Variants in PCNX3 observed in about 807,000 individuals in gnomAD.
PCNX3 encodes pecanex-like protein 3.
PCNX3 carries 58 observed loss-of-function variants against 207.2 expected under a neutral mutation model. The observed-to-expected ratio is 0.28, with a 90% CI of 0.23 to 0.35. The LOEUF is 0.35. PCNX3 is among the 10% of genes least tolerant of loss of function. The probability of loss-of-function intolerance (pLI) is 1.00; values close to 1 mark genes in which losing one functional copy is unlikely to be tolerated. For synonymous variants in PCNX3, 1,337 were observed against 1,183.5 expected (o/e 1.13, Z -2.66); for missense variants, 2,410 against 2,774.4 (o/e 0.87, Z 2.95).
At chr11:65,634,868 A>G in intron 29 of PCNX3, 105 bp from the exon 30 acceptor site, 1 of 1,432,650 alleles carries the variant, frequency 7.0e-7, no homozygotes, top group African/African-American at 1.4e-5. Flanking sequence ...AGATGGGGAA[A>G]CTGAGGCTCA....
chr11:65,617,195 G>A, intron 2 of PCNX3, 55 bp from the exon 3 acceptor site: 1 of 1,493,682 alleles, frequency 6.7e-7, no homozygotes, highest in South Asian at 1.2e-5. Context: ...ATGGGAGGAA[G>A]TAGCATACAC....
chr11:65,627,265 C>T (rs560684128), intron 21 of PCNX3, 140 bp from the exon 22 acceptor site: 143 of 1,166,880 alleles, frequency 1.2e-4, no homozygotes, highest in Admixed American at 1.7e-4. Context: ...CTAAGAGTCA[C>T]GGGCCCAAAA....
In PCNX3 at chr11:65,635,346, C is replaced by T. The variant is rs1855786707; in HGVS notation, c.5082C>T (p.Asn1694=). The T allele has an allele frequency of 6.2e-7, 1 of 1,610,432 alleles. No homozygotes were observed. The highest frequency in any genetic ancestry group is 8.5e-7 in the Non-Finnish European group (1 of 1,178,896). ...DPAWRSAILS[N]TPSLLALRHV... ...CATGGCGCAGCGCCATCCTCAGCAA[C>T]ACGCCCTCCCTGCTGGCGCTGCGCC... is the stretch of plus-strand genomic sequence containing the variant. The change falls in exon 31 of 35, where the codon AAC becomes AAT. Residue 1694 remains asparagine (N), a synonymous_variant. Coordinates refer to ENST00000355703, the MANE Select transcript of PCNX3 (RefSeq NM_032223.4). This position sits in a 1 kb window ranked among gnomAD's most constrained non-coding sequence, Gnocchi z 9.9.
At position 65,622,226 on chromosome 11, in the gene PCNX3, C is replaced by G; in HGVS notation, c.2236-19C>G. 3 of 1,597,350 alleles carry G rather than the reference C, an allele frequency of 1.9e-6. No homozygotes were observed. Among genetic ancestry groups the G allele is most frequent in the Non-Finnish European group, 1.7e-6 (2 of 1,172,840 alleles). ...TGCAGTTTGACCTGCTGGACCAGGA[C>G]TCCCTGCACGAATCCCAGGAGCAGA... On this transcript the variant is annotated intron_variant, in intron 10 of 34. Coordinates refer to ENST00000355703, the MANE Select transcript of PCNX3 (RefSeq NM_032223.4).
chr11:65,627,921 G>A (rs1855470375), intron 22 of PCNX3, among the ~76,000 whole-genome samples: 1 of 152,150 alleles, frequency 6.6e-6, no homozygotes, highest in Non-Finnish European at 1.5e-5. Context: ...TGAGTTCCAC[G>A]CTCTTTTGCC....
Position 65,635,502 on chromosome 11 carries a change from C to T in PCNX3, c.5185-27C>T. On this transcript the variant is annotated intron_variant, in intron 31 of 34. Coordinates refer to ENST00000355703, the MANE Select transcript of PCNX3 (RefSeq NM_032223.4). The surrounding 1 kb of genome is among the most constrained non-coding windows in gnomAD (Gnocchi z 9.9). ...CTGCCCCAAACCCCCTTGGGCCGGCCCCCTGACCCTGGCGTGTGGCTCTCA... is the reference window on the plus strand; with the variant it reads ...CTGCCCCAAACCCCCTTGGGCCGGCTCCCTGACCCTGGCGTGTGGCTCTCA... 1.2e-6 allele frequency: 2 copies of T among 1,607,876 alleles called. No individual in the cohort carries two copies. The highest frequency in any genetic ancestry group is 1.7e-6 in the Non-Finnish European group (2 of 1,178,274).
In PCNX3 at chr11:65,619,923, G is replaced by A. The variant is rs752726208; in HGVS notation, c.1999G>A (p.Asp667Asn). 2 of 1,603,146 alleles carry A rather than the reference G, an allele frequency of 1.2e-6. No individual in the cohort carries two copies. Among genetic ancestry groups the A allele is most frequent in the Non-Finnish European group, 1.7e-6 (2 of 1,173,418 alleles). Reference sequence around the variant, plus strand: ...TGAGGGTGCTGTGCACTATTTCTACGATGAGAGCGGTGAGCCTTTCCCAAG... The same window carrying A: ...TGAGGGTGCTGTGCACTATTTCTACAATGAGAGCGGTGAGCCTTTCCCAAG... ...TSEGAVHYFY[D>N]ESGVRRSYTF... Residue 667 changes from aspartate (D) to asparagine (N), a missense_variant, in exon 8 of 35, where the codon GAT becomes AAT. Physicochemically the swap from Asp to Asn is conservative, Grantham distance 23. This residue lies in a region of PCNX3 where 1,104 missense variants were observed against 970.3 expected (regional missense o/e 1.14). Coordinates refer to ENST00000355703, the MANE Select transcript of PCNX3 (RefSeq NM_032223.4).
In PCNX3 at chr11:65,630,615, C is replaced by T. The variant is rs377613213; in HGVS notation, c.4470+11C>T. ...ACCTACTATGTCAAGGTACGGTGGG[C>T]AGGTGTGGCCGGGCAGCAGGGCCCT... On this transcript the variant is annotated intron_variant, in intron 27 of 34. Transcript: ENST00000355703. The T allele has an allele frequency of 1.9e-6, 3 of 1,600,728 alleles. No individual in the cohort carries two copies. The highest frequency in any genetic ancestry group is 3.3e-5 in the Admixed American group (2 of 59,814).
At position 65,635,388 on chromosome 11, in the gene PCNX3, C is replaced by T. The variant is rs200885865; in HGVS notation, c.5124C>T (p.Ala1708=). The stretch of plus-strand genomic sequence containing the variant: ...CGCTGCGCCATGTCCTGGATGATGC[C>T]TCCGACGAGTACAAGATCATCATGC... ...LLALRHVLDD[A]SDEYKIIMLN... The change falls in exon 31 of 35, where the codon GCC becomes GCT. Residue 1708 remains alanine, a synonymous_variant. Coordinates refer to ENST00000355703, the MANE Select transcript of PCNX3 (RefSeq NM_032223.4). This position sits in a 1 kb window ranked among gnomAD's most constrained non-coding sequence, Gnocchi z 9.9. The T allele has an allele frequency of 1.8e-5, 29 of 1,612,450 alleles. No individual in the cohort carries two copies. In the East Asian group the frequency reaches 3.8e-4, roughly 21 times the overall value.
At chr11:65,622,994 C>T (rs1214750962) in intron 11 of PCNX3, among the ~76,000 whole-genome samples, 1 of 151,620 alleles carries the variant, frequency 6.6e-6, no homozygotes, top group Non-Finnish European at 1.5e-5. Flanking sequence ...CTCACTTTTC[C>T]CATTTCTCAG....
At chr11:65,624,422 C>T (rs368564649) in intron 14 of PCNX3, 49 bp from the exon 15 acceptor site, 27 of 1,552,148 alleles carry the variant, frequency 1.7e-5, no homozygotes, top group East Asian at 1.2e-4. Flanking sequence ...GAGGGTGGGC[C>T]GCGGAAAGCC....
At chr11:65,622,387 GC>G in intron 11 of PCNX3, 21 bp downstream of exon 11, 1 of 1,583,570 alleles carries the variant, frequency 6.3e-7, no homozygotes, top group African/African-American at 1.3e-5. Context: ...CGCAGCCTTG[GC>G]CCCCAATTCT....
Position 65,635,920 on chromosome 11 carries a change from C to G in PCNX3, c.5459+117C>G, listed in dbSNP as rs1037446257. On this transcript the variant is annotated intron_variant, in intron 32 of 34. Coordinates refer to ENST00000355703, the MANE Select transcript of PCNX3 (RefSeq NM_032223.4). This position sits in a 1 kb window ranked among gnomAD's most constrained non-coding sequence, Gnocchi z 9.9. ...CCAGGGCTTGAATCCCGAGAGATGA[C>G]CCCCTCCCAGAGCTGACCTGCCCCT... 7.2e-7 allele frequency: 1 copy of G among 1,395,900 alleles called. No individual in the cohort carries two copies. The highest frequency in any genetic ancestry group is 1.4e-5 in the African/African-American group (1 of 69,314). 86.5% of individuals were successfully genotyped at this position (1,395,900 alleles called of 1,614,324 possible).
chr11:65,623,958 G>C lies in PCNX3; in HGVS notation c.2541G>C (p.Met847Ile). Reference protein sequence around the residue: ...KSVQPDAASPMHGHNWVIAYS... With the variant: ...KSVQPDAASPIHGHNWVIAYS... ...TGCAGCCTGATGCGGCGTCCCCCATGCACGTGAGTACCCATGGAGCAGCGC... is the reference window on the plus strand; with the variant it reads ...TGCAGCCTGATGCGGCGTCCCCCATCCACGTGAGTACCCATGGAGCAGCGC... The change falls in exon 13 of 35, where the codon ATG becomes ATC. Residue 847 changes from methionine (M) to isoleucine (I), a missense_variant. By Grantham distance (10) the Met-to-Ile change is conservative. This residue lies in a region of PCNX3 where 177 missense variants were observed against 257.5 expected (regional missense o/e 0.69). Transcript: ENST00000355703. 3 of 1,611,822 alleles carry C rather than the reference G, an allele frequency of 1.9e-6. No homozygotes were observed. Among genetic ancestry groups the C allele is most frequent in the Non-Finnish European group, 2.5e-6 (3 of 1,179,874 alleles).
In PCNX3 at chr11:65,628,667, G is replaced by A. The variant is rs1412950158; in HGVS notation, c.3775G>A (p.Ala1259Thr). ...IAPWQITWGS[A>T]FHAFAQPFAV... ...GCCCTGGCAGATCACCTGGGGCTCG[G>A]CTTTCCACGCTTTTGCCCAGCCGTT... Residue 1259 changes from alanine (A) to threonine (T), a missense_variant, in exon 23 of 35, where the codon GCT becomes ACT. This residue lies in a region of PCNX3 where 420 missense variants were observed against 705.3 expected (regional missense o/e 0.60). Coordinates refer to ENST00000355703, the MANE Select transcript of PCNX3 (RefSeq NM_032223.4). 2.5e-6 allele frequency: 4 copies of A among 1,612,196 alleles called. No homozygotes were observed. The highest frequency in any genetic ancestry group is 3.4e-6 in the Non-Finnish European group (4 of 1,179,790).
intron 27 of PCNX3, 33 bp downstream of exon 27, chr11:65,630,637 C>T: frequency 6.3e-7 from 1 of 1,593,972 alleles, no homozygotes; most frequent in South Asian, 1.1e-5. Context: ...GGCAGCAGGG[C>T]CCTTGCGGGT....
chr11:65,636,696 C>T lies in PCNX3; in HGVS notation c.5892+7C>T, dbSNP rs375449535. 53 of 1,572,486 alleles carry T rather than the reference C, an allele frequency of 3.4e-5. No individual in the cohort carries two copies. The African/African-American group carries it at 5.9e-4, about 17-fold the overall frequency. ...AGGTACCCCCAAATCTCAGGTAAGG[C>T]ACCTGTGGGAGGGTTGGGTCCCAGA... On this transcript the variant is annotated splice_region_variant and intron_variant, in intron 34 of 34. Transcript: ENST00000355703.
chr11:65,623,382 G>A (rs1365863585), intron 11 of PCNX3, 109 bp from the exon 12 acceptor site: 3 of 1,380,912 alleles, frequency 2.2e-6, no homozygotes, highest in Non-Finnish European at 2.9e-6. Flanking sequence ...CAAGGGTCTG[G>A]CATGGGCACA....
At chr11:65,623,334 G>A (rs780496396) in intron 11 of PCNX3, among the ~76,000 whole-genome samples, 157 bp from the exon 12 acceptor site, 7 of 152,244 alleles carry the variant, frequency 4.6e-5, no homozygotes, top group African/African-American at 7.2e-5. Flanking sequence ...GCCGGGCCGC[G>A]TCGTCGCAAA....
Sources: gnomAD v4.1 joint callset for allele counts (sites outside exome capture counted in the v4.1 genomes callset) on GRCh38, gnomAD v4.1.1 for gene constraint, gnomAD v4.1.1 regional missense constraint, Gnocchi (gnomAD v3.1) non-coding constraint, MANE v1.5 for transcripts, NCBI Gene and HGNC (gene_info 2026-07-23, HGNC 2026-07-21) for gene names.